The following CACNA1E variants were observed in gnomAD, a reference collection of about 807,000 sequenced individuals.
CACNA1E encodes the protein calcium voltage-gated channel subunit alpha1 E.
CACNA1E carries 40 observed loss-of-function variants against 259.2 expected under a neutral mutation model. The observed-to-expected ratio is 0.15, with a 90% CI of 0.12 to 0.20. The LOEUF is 0.20. Among genes scored for constraint, CACNA1E ranks in the 10% least tolerant of loss-of-function variants. The pLI, the probability that CACNA1E is intolerant of heterozygous loss-of-function variation, is 1.00. For missense variants in CACNA1E, 1,874 were observed against 3,040.1 expected (o/e 0.62, Z 9.02); for synonymous variants, 1,104 against 1,138.5 (o/e 0.97, Z 0.61).
chr1:181,390,376 CT>C (rs1189311747), intron 1 of CACNA1E, among the ~76,000 whole-genome samples: 3 of 151,832 alleles, frequency 2.0e-5, no homozygotes, highest in Non-Finnish European at 4.4e-5. Context: ...TCGAGAGAAC[CT>C]GTAAAAGGAG....
At chr1:181,691,517 T>G (rs1241968765) in intron 7 of CACNA1E, among the ~76,000 whole-genome samples, 8 of 152,176 alleles carry the variant, frequency 5.3e-5, no homozygotes, top group African/African-American at 1.9e-4. Context: ...ATAACTTGGA[T>G]AAAATGGCAA....
intron 6 of CACNA1E, among the ~76,000 whole-genome samples, chr1:181,637,292 C>T (rs1303261883): frequency 6.6e-6 from 1 of 152,176 alleles, no homozygotes; most frequent in Non-Finnish European, 1.5e-5. Flanking sequence ...ATTAAGTGAT[C>T]ATCCCTGATA....
intron 6 of CACNA1E, among the ~76,000 whole-genome samples, chr1:181,588,203 C>T (rs1338703984): frequency 6.6e-6 from 1 of 152,230 alleles, no homozygotes; most frequent in East Asian, 1.9e-4. Flanking sequence ...CATTTGGGGA[C>T]TGAAACCCAC....
Position 181,790,469 on chromosome 1 carries a change from G to T in CACNA1E, c.5811G>T (p.Ser1937=). The change falls in exon 44 of 48, where the codon TCG becomes TCT. Residue 1937 remains serine, a synonymous_variant. Transcript: ENST00000367573. ...SGLSGRSGYP[S]MSPLSPQDIF... is the part of the protein sequence containing the mutation. ...GGAGTGGCCGGAGTGGATACCCTTC[G>T]ATGAGTCCACTCTCTCCCCAGGATA... 3.7e-6 allele frequency: 6 copies of T among 1,612,264 alleles called. No individual in the cohort carries two copies. The highest frequency in any genetic ancestry group is 4.2e-6 in the Non-Finnish European group (5 of 1,178,452).
chr1:181,430,529 G>T (rs947796165), intron 2 of CACNA1E, among the ~76,000 whole-genome samples: 3 of 152,130 alleles, frequency 2.0e-5, no homozygotes, highest in Non-Finnish European at 4.4e-5. Context: ...CCCTGTGCAA[G>T]TTCCCATGGA....
chr1:181,642,402 A>G (rs1657872844), intron 6 of CACNA1E, among the ~76,000 whole-genome samples: 1 of 152,124 alleles, frequency 6.6e-6, no homozygotes, highest in African/African-American at 2.4e-5. Context: ...CCATAGGACA[A>G]AGTGGAGAAT....
At chr1:181,608,944 A>G (rs73057727) in intron 6 of CACNA1E, among the ~76,000 whole-genome samples, 2,728 of 152,318 alleles carry the variant, frequency 0.018, 66 homozygotes, top group African/African-American at 0.058. Flanking sequence ...TCTCCTGACC[A>G]TTTCAATCTT....
At chr1:181,768,894 G>GAC in intron 35 of CACNA1E, among the ~76,000 whole-genome samples, 1 of 152,352 alleles carries the variant, frequency 6.6e-6, no homozygotes, top group African/African-American at 2.4e-5. Context: ...CAAGGGCAGA[G>GAC]ACAAGCTTTT....
At chr1:181,383,776 G>T (rs979736043) in intron 1 of CACNA1E, among the ~76,000 whole-genome samples, 1 of 152,250 alleles carries the variant, frequency 6.6e-6, no homozygotes, top group East Asian at 1.9e-4. Flanking sequence ...CCCTTACGGG[G>T]TATGAACATG....
intron 2 of CACNA1E, among the ~76,000 whole-genome samples, chr1:181,453,441 T>C (rs909778146): frequency 1.3e-5 from 2 of 152,174 alleles, no homozygotes; most frequent in Non-Finnish European, 2.9e-5. Context: ...CTGTAAAGGA[T>C]ACAGATTTTA....
chr1:181,673,125 C>T lies in CACNA1E; in HGVS notation c.1055+21684C>T, dbSNP rs1256814408. On this transcript the variant is annotated intron_variant, in intron 7 of 47. Coordinates refer to ENST00000367573, the MANE Select transcript of CACNA1E (RefSeq NM_001205293.3). ...AATCCACTGGGAACCCTAGAAGGAA[C>T]CATGTAGAACGTACCTCAGCCCTGC... 3.3e-5 allele frequency among the ~76,000 whole-genome samples: 5 copies of T among 152,290 alleles called. No homozygotes were observed. In the East Asian group the frequency reaches 9.6e-4, roughly 29 times the overall value.
chr1:181,493,386 G>A (rs544768724), intron 1 of CACNA1E, among the ~76,000 whole-genome samples: 1 of 152,294 alleles, frequency 6.6e-6, no homozygotes, highest in East Asian at 1.9e-4. Flanking sequence ...TAACCAAAGG[G>A]CATGAATTCA....
chr1:181,553,551 T>G (rs1648411224), intron 3 of CACNA1E, among the ~76,000 whole-genome samples: 1 of 151,972 alleles, frequency 6.6e-6, no homozygotes, highest in African/African-American at 2.4e-5. Flanking sequence ...TGAATAGGAG[T>G]AGTGAGAGAG....
At chr1:181,440,983 C>CAAAAAAAAAAAA (rs60257271) in intron 2 of CACNA1E, among the ~76,000 whole-genome samples, 2 of 38,170 alleles carry the variant, frequency 5.2e-5, no homozygotes, top group African/African-American at 2.0e-4. Context: ...GACCTTGTTT[C>CAAAAAAAAAAAA]AAAAAAAAAA....
chr1:181,476,890 AG>A (rs1232193088), intron 2 of CACNA1E, among the ~76,000 whole-genome samples: 1 of 152,148 alleles, frequency 6.6e-6, no homozygotes, highest in Admixed American at 6.5e-5. Flanking sequence ...GAGGGTGGGA[AG>A]GGAGGTAGAC....
chr1:181,368,628 G>C (rs1462192648), intron 1 of CACNA1E, among the ~76,000 whole-genome samples: 1 of 152,126 alleles, frequency 6.6e-6, no homozygotes, highest in African/African-American at 2.4e-5. Context: ...GATGGGGTTG[G>C]GGGGCAGGAC....
intron 3 of CACNA1E, among the ~76,000 whole-genome samples, chr1:181,563,318 T>C (rs150255103): frequency 7.2e-5 from 11 of 152,310 alleles, no homozygotes; most frequent in African/African-American, 2.6e-4. Context: ...TGGAAAAATA[T>C]ATATTTTTGT....
chr1:181,556,553 C>T (rs957644938), intron 3 of CACNA1E, among the ~76,000 whole-genome samples: 4 of 152,192 alleles, frequency 2.6e-5, no homozygotes, highest in Admixed American at 6.5e-5. Context: ...CCCAAAGAAT[C>T]CTCTGAGCAT....
At chr1:181,423,662 ATTT>A (rs11302089) in intron 2 of CACNA1E, among the ~76,000 whole-genome samples, 7 of 131,044 alleles carry the variant, frequency 5.3e-5, no homozygotes, top group Admixed American at 1.6e-4. Flanking sequence ...CATTGGGCCA[ATTT>A]TTTTTTTTTT....
Sources: gnomAD v4.1 joint callset for allele counts (sites outside exome capture counted in the v4.1 genomes callset) on GRCh38, gnomAD v4.1.1 for gene constraint, MANE v1.5 for transcripts, NCBI Gene and HGNC (gene_info 2026-07-23, HGNC 2026-07-21) for gene names.